ELF1: variants seen among roughly 807,000 people sequenced by gnomAD.
ELF1 encodes the protein ETS-related transcription factor Elf-1.
Under a neutral mutation model 59.9 loss-of-function variants are expected in ELF1, and 24 were observed. That is an observed-to-expected ratio of 0.40 (90% CI 0.29 to 0.56). The LOEUF (loss-of-function observed/expected upper bound fraction) is 0.56, where lower values mean the gene tolerates loss of function less well. Among genes scored for constraint, ELF1 ranks in the 20% least tolerant of loss-of-function variants. The pLI is 0.44. For synonymous variants in ELF1, 248 were observed against 266.2 expected, an observed-to-expected ratio of 0.93 and a Z score of 0.67; for missense variants, 627 against 742.2, an observed-to-expected ratio of 0.84 and a Z score of 1.80.
chr13:41,044,047 T>C (rs1397050714), intron 1 of ELF1, among the ~76,000 whole-genome samples: 10 of 152,236 alleles, frequency 6.6e-5, no homozygotes, highest in Non-Finnish European at 8.8e-5. Flanking sequence ...TATTTTATTC[T>C]CTTTGAAGCA....
chr13:40,993,258 G>C, intron 1 of ELF1: 1 of 1,581,800 alleles, frequency 6.3e-7, no homozygotes, highest in South Asian at 1.1e-5. Flanking sequence ...AACAGATGTT[G>C]TTGGGCCTCT....
intron 1 of ELF1, among the ~76,000 whole-genome samples, chr13:41,044,261 C>T (rs1389580663): frequency 1.3e-5 from 2 of 152,164 alleles, no homozygotes; most frequent in East Asian, 3.8e-4. Flanking sequence ...ATTTGATTTC[C>T]TCTTTTCCTA....
At chr13:40,945,765 A>C (rs1593352744) in intron 5 of ELF1, among the ~76,000 whole-genome samples, 1 of 152,186 alleles carries the variant, frequency 6.6e-6, no homozygotes, top group African/African-American at 2.4e-5. Flanking sequence ...ATCCACACTA[A>C]ATTTACTGGA....
Position 41,004,885 on chromosome 13 carries a change from C to A in ELF1, c.-229+14343G>T, listed in dbSNP as rs141873793. ...CATGATGCATACAATCCATATAATA[C>A]CAAACAAGCCTACAACGTCCCTCGA... On this transcript the variant is annotated intron_variant, in intron 1 of 8. Coordinates refer to ENST00000239882, the MANE Select transcript of ELF1 (RefSeq NM_172373.4). Among the ~76,000 whole-genome samples, 169 of 152,168 alleles carry A rather than the reference C, an allele frequency of 1.1e-3. 1 individual carries two copies. The highest frequency in any genetic ancestry group is 5.6e-3 in the East Asian group (29 of 5,186).
chr13:40,990,847 T>C (rs1346663161), intron 1 of ELF1, among the ~76,000 whole-genome samples: 2 of 33,750 alleles, frequency 5.9e-5, no homozygotes, highest in Non-Finnish European at 1.2e-4. Context: ...CGAGACTCTG[T>C]CTCAAAAAAA....
intron 1 of ELF1, among the ~76,000 whole-genome samples, chr13:41,057,237 G>A (rs1484446967): frequency 6.7e-6 from 1 of 150,180 alleles, no homozygotes; most frequent in Non-Finnish European, 1.5e-5. Context: ...GCTCACTGCA[G>A]CCTTGAACTC....
intron 5 of ELF1, among the ~76,000 whole-genome samples, chr13:40,948,854 C>T (rs530066574): frequency 6.6e-6 from 1 of 152,284 alleles, no homozygotes; most frequent in East Asian, 1.9e-4. Context: ...ACAATAACCC[C>T]TGGGAAGGAA....
rs1367068371 is a variant in ELF1, at chr13:40,958,872, T to C, written c.217A>G (p.Ile73Val). The C allele has an allele frequency of 6.2e-7, 1 of 1,613,494 alleles. No individual in the cohort carries two copies. The highest frequency in any genetic ancestry group is 1.1e-5 in the South Asian group (1 of 91,002). The change falls in exon 3 of 9, where the codon ATC (isoleucine) becomes GTC (valine). Residue 73 changes from isoleucine (I) to valine (V), a missense_variant. This residue lies in a region of ELF1 where 232 missense variants were observed against 269.2 expected (regional missense o/e 0.86). Coordinates refer to ENST00000239882, the MANE Select transcript of ELF1 (RefSeq NM_172373.4). ...ESSLDVAEEEIIDDDDDDITL... is the reference protein window; with the variant it reads ...ESSLDVAEEEVIDDDDDDITL... ...ATGTCATCATCATCATCGTCTATGA[T>C]TTCTTCTTCAGCAACATCCAGTGAA...
intron 1 of ELF1, among the ~76,000 whole-genome samples, chr13:41,038,073 A>AAC (rs1334485810): frequency 6.6e-6 from 1 of 151,746 alleles, no homozygotes; most frequent in African/African-American, 2.4e-5. Flanking sequence ...CCTTAAAAAA[A>AAC]AAAAAAAAAA....
intron 3 of ELF1, among the ~76,000 whole-genome samples, chr13:40,955,741 G>T (rs1348039747): frequency 8.1e-6 from 1 of 124,222 alleles, no homozygotes; most frequent in African/African-American, 3.0e-5. Context: ...TCAGCCCCCC[G>T]CCCGGCCAGC....
In ELF1 at chr13:41,019,216, G is replaced by A; in HGVS notation, c.-229+12C>T. 1.0e-6 allele frequency: 1 copy of A among 985,432 alleles called. No homozygotes were observed. The highest frequency in any genetic ancestry group is 5.2e-4 in the Middle Eastern group (1 of 1,914). 61.0% of individuals were successfully genotyped at this position (985,432 alleles called of 1,614,324 possible). A position where few individuals can be genotyped will look rare whatever the true frequency, so the allele number is the denominator to read the frequency against. ...AAGCCAGAAGCAAACATACAAAATT[G>A]TAACAAGTTACCTTCAAGTATTCTT... is the stretch of plus-strand genomic sequence containing the variant. On this transcript the variant is annotated intron_variant, in intron 1 of 8. Coordinates refer to ENST00000239882, the MANE Select transcript of ELF1 (RefSeq NM_172373.4).
In ELF1 at chr13:40,932,632, GC is replaced by G. The variant is rs1869483316; in HGVS notation, c.*792del. 1 of 152,066 alleles carries G rather than the reference GC, an allele frequency of 6.6e-6. No individual in the cohort carries two copies. Among genetic ancestry groups the G allele is most frequent in the South Asian group, 2.1e-4 (1 of 4,822 alleles). 9.4% of individuals were successfully genotyped at this position (152,066 alleles called of 1,614,324 possible). On this transcript the variant is annotated 3_prime_UTR_variant, in exon 9 of 9. Coordinates refer to ENST00000239882, the MANE Select transcript of ELF1 (RefSeq NM_172373.4). ...TCACTTATTTCTCTGCAACATTTTAGCTATTCTTACATTAGGAAATAACCTG... is the reference window on the plus strand; with the variant it reads ...TCACTTATTTCTCTGCAACATTTTAGTATTCTTACATTAGGAAATAACCTG...
At chr13:40,950,914 T>TTCC (rs1399489246) in intron 4 of ELF1, among the ~76,000 whole-genome samples, 4 of 152,244 alleles carry the variant, frequency 2.6e-5, no homozygotes, top group Non-Finnish European at 4.4e-5. Flanking sequence ...AGAACAGGAA[T>TTCC]TTTAAAGCAG....
At position 41,018,132 on chromosome 13, in the gene ELF1, G is replaced by C. The variant is rs966090918; in HGVS notation, c.-229+1096C>G. Among the ~76,000 whole-genome samples the C allele has an allele frequency of 1.5e-4, 23 of 152,284 alleles. No individual in the cohort carries two copies. In the South Asian group the frequency reaches 3.1e-3, roughly 21 times the overall value. On this transcript the variant is annotated intron_variant, in intron 1 of 8. Coordinates refer to ENST00000239882, the MANE Select transcript of ELF1 (RefSeq NM_172373.4). ...AATATCATTTTGGTCAACAAGAAAT[G>C]ATTTGGCAAGTTTTATATCCAAAAA...
chr13:40,957,521 A>G (rs1323361282), intron 3 of ELF1, among the ~76,000 whole-genome samples: 1 of 151,534 alleles, frequency 6.6e-6, no homozygotes, highest in East Asian at 1.9e-4. Context: ...AAAAAAAAAA[A>G]AGAAAAAAAA....
intron 5 of ELF1, among the ~76,000 whole-genome samples, 173 bp downstream of exon 5, chr13:40,949,633 G>A (rs1156652062): frequency 1.3e-5 from 2 of 152,164 alleles, no homozygotes; most frequent in African/African-American, 2.4e-5. Context: ...GGGATTACAG[G>A]CATGAATCTC....
At chr13:41,031,840 A>AAG (rs1876177515) in intron 1 of ELF1, among the ~76,000 whole-genome samples, 2 of 143,482 alleles carry the variant, frequency 1.4e-5, no homozygotes, top group African/African-American at 5.0e-5. Flanking sequence ...AAAAAAAAAA[A>AAG]GTCTCCTCAT....
In ELF1 at chr13:40,955,352, C is replaced by T. The variant is rs540070999; in HGVS notation, c.253+3484G>A. 5.2e-3 allele frequency among the ~76,000 whole-genome samples: 745 copies of T among 142,310 alleles called. 14 individuals carry two copies. Among genetic ancestry groups the T allele is most frequent in the African/African-American group, 0.02 (715 of 36,398 alleles). 93.4% of individuals were successfully genotyped at this position (142,310 alleles called of 152,430 possible). A position where few individuals can be genotyped will look rare whatever the true frequency, so the allele number is the denominator to read the frequency against. ...GGGGTTAGCCCCCCACCCGGCCAGC[C>T]GCCCCATCCGGGAGGGAGATGGGGG... On this transcript the variant is annotated intron_variant, in intron 3 of 8. Transcript: ENST00000239882.
intron 1 of ELF1, among the ~76,000 whole-genome samples, chr13:41,042,308 T>C (rs1876646776): frequency 6.6e-6 from 1 of 151,808 alleles, no homozygotes; most frequent in Non-Finnish European, 1.5e-5. Flanking sequence ...CTTTTTCTTT[T>C]TTTTTTTATT....
Sources: gnomAD v4.1 joint callset for allele counts (sites outside exome capture counted in the v4.1 genomes callset) on GRCh38, gnomAD v4.1.1 for gene constraint, gnomAD v4.1.1 regional missense constraint, MANE v1.5 for transcripts, NCBI Gene and HGNC (gene_info 2026-07-23, HGNC 2026-07-21) for gene names.